The following TULP4 variants were observed in gnomAD, a reference collection of about 807,000 sequenced individuals.
The protein encoded by TULP4 is tubby-related protein 4.
A neutral mutation model predicts 129.0 loss-of-function variants in TULP4; 16 were observed. The observed-to-expected ratio is 0.12, with a 90% CI of 0.08 to 0.19. The LOEUF (loss-of-function observed/expected upper bound fraction) is 0.19. TULP4 is among the 10% of genes least tolerant of loss of function. TULP4 has a pLI of 1.00. For synonymous variants in TULP4, 998 were observed against 854.0 expected (o/e 1.17, Z -2.94); for missense variants, 1,842 against 2,059.1 (o/e 0.89, Z 2.04).
intron 3 of TULP4, among the ~76,000 whole-genome samples, chr6:158,445,870 C>T (rs1779026025): frequency 6.6e-6 from 1 of 152,126 alleles, no homozygotes. Flanking sequence ...GGACAGAGGC[C>T]TGGGCAGGGA....
chr6:158,281,462 A>G (rs2128466541), upstream of TULP4, among the ~76,000 whole-genome samples: 1 of 152,288 alleles, frequency 6.6e-6, no homozygotes, highest in East Asian at 1.9e-4. Context: ...ATTTATTTAC[A>G]GAACTGGCCT....
intron 1 of TULP4, among the ~76,000 whole-genome samples, chr6:158,404,045 C>T (rs114153274): frequency 0.014 from 2,161 of 152,262 alleles, 56 homozygotes; most frequent in African/African-American, 0.048. Context: ...AAGCTCTTAC[C>T]CACCACACTC....
chr6:158,306,948 G>T (rs755268112), intron 1 of TULP4, among the ~76,000 whole-genome samples: 10 of 152,068 alleles, frequency 6.6e-5, no homozygotes, highest in Non-Finnish European at 1.2e-4. Context: ...TTGAGCCCAC[G>T]AATTTGAGGC....
chr6:158,387,219 T>C (rs867967128), intron 1 of TULP4, among the ~76,000 whole-genome samples: 1 of 152,148 alleles, frequency 6.6e-6, no homozygotes, highest in African/African-American at 2.4e-5. Context: ...CTTGTATTAA[T>C]GTCAAAGTGC....
At chr6:158,323,783 C>T (rs549471929) in intron 1 of TULP4, among the ~76,000 whole-genome samples, 1 of 152,306 alleles carries the variant, frequency 6.6e-6, no homozygotes, top group African/African-American at 2.4e-5. Context: ...ATATGAATTG[C>T]AAAACCACAA....
upstream of TULP4, among the ~76,000 whole-genome samples, chr6:158,308,906 C>T (rs1385609765): frequency 7.1e-3 from 1,009 of 141,862 alleles, 13 homozygotes; most frequent in African/African-American, 0.025. Flanking sequence ...ACCTCCCTCC[C>T]GGACGGGGCG....
intron 1 of TULP4, among the ~76,000 whole-genome samples, chr6:158,288,518 T>A (rs62439865): frequency 1.3e-5 from 2 of 151,892 alleles, no homozygotes; most frequent in African/African-American, 4.8e-5. Flanking sequence ...TTTTTTTTTT[T>A]AAGAAGGAGT....
chr6:158,275,356 A>G (rs1014054122), intron 1 of TULP4, among the ~76,000 whole-genome samples: 3 of 152,220 alleles, frequency 2.0e-5, no homozygotes, highest in Non-Finnish European at 2.9e-5. Context: ...AAAACTGGCC[A>G]GGGACATACA....
rs141520516 is a variant in TULP4 at position 158,283,204 on chromosome 6, G to A, written n.116+826G>A. Among the ~76,000 whole-genome samples the A allele has an allele frequency of 8.6e-5, 13 of 151,334 alleles. No homozygotes were observed. The East Asian group carries it at 2.1e-3, about 25-fold the overall frequency. On this transcript the variant is annotated intron_variant and non_coding_transcript_variant, in intron 1 of 1. Coordinates refer to the TULP4 transcript ENST00000432358. ...TCTGTAAGAACCTAGATACAGTGCC[G>A]CCACCATGGCTCTATGGCTTCTTTT... is the stretch of plus-strand genomic sequence containing the variant.
chr6:158,467,277 C>CT (rs59276592), intron 6 of TULP4, among the ~76,000 whole-genome samples: 2,903 of 140,706 alleles, frequency 0.021, 38 homozygotes, highest in African/African-American at 0.026. Context: ...CTTTCCCTTT[C>CT]TTTTTTTTTT....
In TULP4 at chr6:158,503,742, A is replaced by G. The variant is rs1424781876; in HGVS notation, c.4079A>G (p.Lys1360Arg). The G allele has an allele frequency of 5.0e-6, 8 of 1,614,148 alleles. No individual in the cohort carries two copies. Among genetic ancestry groups the G allele is most frequent in the Non-Finnish European group, 6.8e-6 (8 of 1,180,046 alleles). The change falls in exon 13 of 14, where the codon AAG becomes AGG. Residue 1360 changes from lysine to arginine, a missense_variant. Physicochemically the swap from Lys to Arg is conservative, Grantham distance 26. This residue lies in a region of TULP4 where 1,089 missense variants were observed against 987.1 expected (regional missense o/e 1.10). Coordinates refer to ENST00000367097, the MANE Select transcript of TULP4 (RefSeq NM_020245.5). This position sits in a 1 kb window ranked among gnomAD's most constrained non-coding sequence, Gnocchi z 4.3. ...VQAITEGKVKKEARTLSDFNS... is the reference protein window; with the variant it reads ...VQAITEGKVKREARTLSDFNS... The stretch of plus-strand genomic sequence containing the variant: ...GCCATCACTGAGGGCAAAGTGAAGA[A>G]GGAGGCTAGGACTTTGAGTGACTTT...
At chr6:158,486,122 T>A (rs1314735803) in intron 8 of TULP4, among the ~76,000 whole-genome samples, 2 of 152,206 alleles carry the variant, frequency 1.3e-5, no homozygotes, top group African/African-American at 4.8e-5. Flanking sequence ...CCAGGAGTCC[T>A]GTGGACTGAA....
upstream of TULP4, among the ~76,000 whole-genome samples, chr6:158,277,580 A>G (rs1778669831): frequency 6.6e-6 from 1 of 152,222 alleles, no homozygotes; most frequent in Non-Finnish European, 1.5e-5. Context: ...CTTTGGCCAC[A>G]GTAGCCAAAA....
At chr6:158,278,267 T>C (rs890336623), upstream of TULP4, among the ~76,000 whole-genome samples, 1 of 152,226 alleles carries the variant, frequency 6.6e-6, no homozygotes, top group Non-Finnish European at 1.5e-5. Flanking sequence ...TGTGGTACAA[T>C]GAGCTGTATT....
intron 1 of TULP4, among the ~76,000 whole-genome samples, chr6:158,246,548 A>G (rs1358117726): frequency 6.6e-6 from 1 of 152,138 alleles, no homozygotes; most frequent in Non-Finnish European, 1.5e-5. Flanking sequence ...TCACATCTCT[A>G]TAAAATGACT....
chr6:158,324,173 G>C (rs951385493), intron 1 of TULP4, among the ~76,000 whole-genome samples: 1 of 152,234 alleles, frequency 6.6e-6, no homozygotes, highest in Non-Finnish European at 1.5e-5. Flanking sequence ...GATTTCCTCA[G>C]TGGGAACACT....
intron 1 of TULP4, among the ~76,000 whole-genome samples, chr6:158,297,770 T>A (rs891187216): frequency 6.6e-6 from 1 of 152,156 alleles, no homozygotes; most frequent in Admixed American, 6.5e-5. Context: ...CTGATAAGGT[T>A]CTATGTTTAG....
At chr6:158,468,799 C>T (rs754111047) in intron 6 of TULP4, among the ~76,000 whole-genome samples, 3 of 152,126 alleles carry the variant, frequency 2.0e-5, no homozygotes, top group East Asian at 1.9e-4. Flanking sequence ...GCGTCTGGTC[C>T]GCTCCATAGA....
intron 6 of TULP4, among the ~76,000 whole-genome samples, chr6:158,469,223 G>A (rs1374714735): frequency 1.3e-5 from 2 of 151,920 alleles, no homozygotes; most frequent in African/African-American, 2.4e-5. Context: ...TAAGAGATTT[G>A]GCTTCTGGAG....
Sources: allele counts gnomAD v4.1 joint callset (sites outside exome capture counted in the v4.1 genomes callset), GRCh38; gene constraint gnomAD v4.1.1; regional missense constraint gnomAD v4.1.1; non-coding constraint Gnocchi (gnomAD v3.1); transcripts MANE v1.5; gene names NCBI Gene and HGNC (gene_info 2026-07-23, HGNC 2026-07-21).